SFMBT1: variants seen among roughly 807,000 people sequenced by gnomAD.
SFMBT1 encodes the protein Scm like with four mbt domains 1, also known as scm-like with four MBT domains protein 1.
In SFMBT1, 32 loss-of-function variants were observed where a neutral mutation model predicts 108.7. The ratio of observed to expected loss-of-function variants is 0.29; its 90% CI spans 0.22 to 0.40. The LOEUF is 0.40. SFMBT1 is among the 10% of genes least tolerant of loss of function. The pLI, the probability that SFMBT1 is intolerant of heterozygous loss-of-function variation, is 1.00. For synonymous variants in SFMBT1, 348 were observed against 369.5 expected, an observed-to-expected ratio of 0.94 and a Z score of 0.67; for missense variants, 816 against 1,059.6, an observed-to-expected ratio of 0.77 and a Z score of 3.19.
chr3:52,926,936 A>C (rs1175548416), intron 9 of SFMBT1, among the ~76,000 whole-genome samples: 2 of 152,108 alleles, frequency 1.3e-5, no homozygotes, highest in East Asian at 3.8e-4. Flanking sequence ...CCTTTGCCCC[A>C]ACCTCAATGC....
At chr3:52,938,208 A>G (rs1418618637) in intron 4 of SFMBT1, among the ~76,000 whole-genome samples, 1 of 152,224 alleles carries the variant, frequency 6.6e-6, no homozygotes, top group Non-Finnish European at 1.5e-5. Context: ...ACAGAGGACA[A>G]GAGTGGATTT....
chr3:53,016,064 C>A (rs996549306), intron 1 of SFMBT1, among the ~76,000 whole-genome samples: 2 of 151,916 alleles, frequency 1.3e-5, no homozygotes, highest in Non-Finnish European at 2.9e-5. Flanking sequence ...AGAATACTGT[C>A]TTTCTAGCAC....
chr3:52,905,852 T>C (rs2106755020), intron 20 of SFMBT1, among the ~76,000 whole-genome samples: 1 of 152,338 alleles, frequency 6.6e-6, no homozygotes, highest in Admixed American at 6.5e-5. Flanking sequence ...TGTGGACAAT[T>C]AAGCATGGTA....
chr3:52,921,268 C>T (rs866812208), intron 11 of SFMBT1, among the ~76,000 whole-genome samples: 24 of 152,172 alleles, frequency 1.6e-4, no homozygotes, highest in African/African-American at 5.1e-4. Flanking sequence ...ACTCACGCAG[C>T]GCCTTGCATC....
At chr3:52,943,619 C>T (rs571436351) in intron 3 of SFMBT1, 26 bp from the exon 4 acceptor site, 1 of 1,614,042 alleles carries the variant, frequency 6.2e-7, no homozygotes, top group African/African-American at 1.3e-5. Context: ...TTATTAAGCA[C>T]CAGACAAGTA....
chr3:53,041,966 T>A (rs1336994518), intron 1 of SFMBT1, among the ~76,000 whole-genome samples: 1 of 152,210 alleles, frequency 6.6e-6, no homozygotes, highest in Admixed American at 6.5e-5. Flanking sequence ...AGTTGTATCA[T>A]TTACTCATTA....
At chr3:52,965,022 T>C (rs894643684) in intron 2 of SFMBT1, among the ~76,000 whole-genome samples, 18 of 151,688 alleles carry the variant, frequency 1.2e-4, no homozygotes, top group African/African-American at 4.1e-4. Flanking sequence ...CCAATGAAAA[T>C]CATCATTTCA....
In SFMBT1 at chr3:52,903,891, T is replaced by C. The variant is rs1416637098; in HGVS notation, c.*1245A>G. The C allele has an allele frequency of 6.6e-6, 1 of 152,216 alleles. No individual in the cohort carries two copies. Among genetic ancestry groups the C allele is most frequent in the Admixed American group, 6.5e-5 (1 of 15,282 alleles). The allele number at this position is 152,216 out of a possible 1,614,324, so 9.4% of individuals were successfully genotyped here. On this transcript the variant is annotated 3_prime_UTR_variant, in exon 21 of 21. Transcript: ENST00000394752. ...ACACTTAAAAGAATACTGAGTTGTT[T>C]AAATGGGAATCCTCGGACTAAAGAT...
chr3:52,945,333 T>C (rs780801316), intron 3 of SFMBT1, among the ~76,000 whole-genome samples: 5 of 151,290 alleles, frequency 3.3e-5, no homozygotes, highest in Non-Finnish European at 5.9e-5. Flanking sequence ...ATTTGAGCAA[T>C]AAAATAAATA....
At chr3:52,912,856 T>C (rs1702249156) in intron 15 of SFMBT1, among the ~76,000 whole-genome samples, 1 of 152,226 alleles carries the variant, frequency 6.6e-6, no homozygotes, top group Non-Finnish European at 1.5e-5. Flanking sequence ...CTTTTCAACA[T>C]TTTTTAAATG....
At chr3:53,029,045 C>T (rs1008327166) in intron 1 of SFMBT1, among the ~76,000 whole-genome samples, 4 of 151,548 alleles carry the variant, frequency 2.6e-5, no homozygotes, top group African/African-American at 9.7e-5. Context: ...TGGTGGCGGG[C>T]GCCTGTAGTC....
intron 20 of SFMBT1, among the ~76,000 whole-genome samples, chr3:52,905,856 C>G (rs1252827125): frequency 1.3e-5 from 2 of 152,002 alleles, no homozygotes; most frequent in Admixed American, 6.6e-5. Context: ...GACAATTAAG[C>G]ATGGTATGCT....
In SFMBT1 at chr3:52,993,545, C is replaced by T. The variant is rs774635007; in HGVS notation, c.-130-24287G>A. 6.0e-5 allele frequency among the ~76,000 whole-genome samples: 9 copies of T among 149,918 alleles called. 2 individuals carry two copies. Among genetic ancestry groups the T allele is most frequent in the African/African-American group, 9.7e-5 (4 of 41,244 alleles). ...TTAGTATACCAACCTTCCCTATCCC[C>T]GACCCCATTCATTCACTTGGCCCTG... On this transcript the variant is annotated intron_variant, in intron 1 of 20. Coordinates refer to ENST00000394752, the MANE Select transcript of SFMBT1 (RefSeq NM_016329.4).
At chr3:52,975,901 G>A (rs912440971) in intron 1 of SFMBT1, among the ~76,000 whole-genome samples, 10 of 151,754 alleles carry the variant, frequency 6.6e-5, no homozygotes, top group African/African-American at 1.5e-4. Flanking sequence ...GAGCCACAAC[G>A]CAACCAGCCA....
intron 2 of SFMBT1, among the ~76,000 whole-genome samples, chr3:52,962,685 G>A (rs1294976286): frequency 6.6e-6 from 1 of 151,804 alleles, no homozygotes; most frequent in Middle Eastern, 3.4e-3. Flanking sequence ...GCACGTGCCT[G>A]TAATCCCAGC....
chr3:52,919,132 A>AT (rs1168216077), intron 12 of SFMBT1, among the ~76,000 whole-genome samples: 5 of 152,162 alleles, frequency 3.3e-5, no homozygotes, highest in Non-Finnish European at 5.9e-5. Flanking sequence ...CCCCTGCCTC[A>AT]TATCATATAT....
chr3:53,009,557 T>C (rs1698872643), intron 1 of SFMBT1, among the ~76,000 whole-genome samples: 1 of 152,224 alleles, frequency 6.6e-6, no homozygotes, highest in Non-Finnish European at 1.5e-5. Flanking sequence ...TCCTTCACTC[T>C]TTCAGTAAGT....
chr3:53,002,011 C>G (rs1451953497), intron 1 of SFMBT1, among the ~76,000 whole-genome samples: 2 of 148,320 alleles, frequency 1.3e-5, no homozygotes, highest in Admixed American at 6.9e-5. Context: ...ACTTTGTTTT[C>G]TATGGAGTTG....
intron 17 of SFMBT1, among the ~76,000 whole-genome samples, chr3:52,908,613 G>A (rs980860883): frequency 2.6e-4 from 39 of 152,002 alleles, no homozygotes; most frequent in African/African-American, 8.7e-4. Context: ...CTGTCACCCA[G>A]GCTGGAGTGC....
Sources: gnomAD v4.1 joint callset for allele counts (sites outside exome capture counted in the v4.1 genomes callset) on GRCh38, gnomAD v4.1.1 for gene constraint, MANE v1.5 for transcripts, NCBI Gene and HGNC (gene_info 2026-07-23, HGNC 2026-07-21) for gene names.